Variants in GLT1D1 observed in about 807,000 individuals in gnomAD.
GLT1D1 encodes the protein glycosyltransferase 1 domain containing 1.
Under a neutral mutation model 28.7 loss-of-function variants are expected in GLT1D1, and 21 were observed. The ratio of observed to expected loss-of-function variants is 0.73; its 90% CI spans 0.52 to 1.05. The LOEUF (loss-of-function observed/expected upper bound fraction) is 1.05, where lower values mean the gene tolerates loss of function less well. Among genes scored for constraint, GLT1D1 ranks in the 50% least tolerant of loss-of-function variants. The pLI, the probability that GLT1D1 is intolerant of heterozygous loss-of-function variation, is 0.00. For missense variants in GLT1D1, 343 were observed against 330.6 expected, an observed-to-expected ratio of 1.04 and a Z score of -0.29; for synonymous variants, 147 against 124.8, an observed-to-expected ratio of 1.18 and a Z score of -1.19.
At chr12:128,859,770 G>T (rs1956311340) in intron 1 of GLT1D1, among the ~76,000 whole-genome samples, 1 of 152,198 alleles carries the variant, frequency 6.6e-6, no homozygotes, top group South Asian at 2.1e-4. Flanking sequence ...AAATGAACAG[G>T]ACTTGGCAGT....
intron 7 of GLT1D1, among the ~76,000 whole-genome samples, chr12:128,978,641 G>T (rs1880023527): frequency 6.6e-6 from 1 of 152,170 alleles, no homozygotes; most frequent in African/African-American, 2.4e-5. Flanking sequence ...CCCCAAGAGA[G>T]GGTTCTTGGA....
At chr12:128,926,220 TAATAATA>T in intron 4 of GLT1D1, 132 bp from the exon 7 acceptor site, 1 of 205,744 alleles carries the variant, frequency 4.9e-6, no homozygotes, top group Admixed American at 6.0e-5. Flanking sequence ...ATAATAATAA[TAATAATA>T]ATAATAATAA....
intron 6 of GLT1D1, among the ~76,000 whole-genome samples, chr12:128,953,076 C>G (rs1313514715): frequency 6.6e-6 from 1 of 152,116 alleles, no homozygotes; most frequent in African/African-American, 2.4e-5. Context: ...GCCACCACGC[C>G]TGGCCCATGT....
intron 4 of GLT1D1, among the ~76,000 whole-genome samples, chr12:128,908,402 C>T (rs943309399): frequency 1.3e-4 from 19 of 145,716 alleles, no homozygotes; most frequent in East Asian, 2.0e-4. Context: ...CTCTCTCTCT[C>T]TCTTTCTTTC....
chr12:128,927,999 C>CAAAAAAAAAAAAA (rs938188484), intron 4 of GLT1D1, among the ~76,000 whole-genome samples: 17 of 42,264 alleles, frequency 4.0e-4, no homozygotes, highest in Non-Finnish European at 5.2e-4. Context: ...GACTCTGTCT[C>CAAAAAAAAAAAAA]AAAAAAAAAA....
chr12:128,911,537 T>G (rs1478419361), intron 4 of GLT1D1, among the ~76,000 whole-genome samples: 3 of 152,172 alleles, frequency 2.0e-5, no homozygotes, highest in Non-Finnish European at 4.4e-5. Context: ...TGATCAGGCT[T>G]AGGTCACATG....
At chr12:128,875,120 A>AT (rs1304857194) in intron 1 of GLT1D1, among the ~76,000 whole-genome samples, 4 of 150,636 alleles carry the variant, frequency 2.7e-5, no homozygotes, top group East Asian at 1.9e-4. Context: ...ACCAGGAAGT[A>AT]TTTTTTTTGA....
chr12:128,878,193 T>C (rs1348466228), intron 2 of GLT1D1, among the ~76,000 whole-genome samples: 1 of 152,144 alleles, frequency 6.6e-6, no homozygotes, highest in Non-Finnish European at 1.5e-5. Flanking sequence ...CCCATGCATG[T>C]ATTTATATGT....
At chr12:128,927,029 A>C in intron 4 of GLT1D1, 76 bp from the exon 8 acceptor site, 1 of 909,594 alleles carries the variant, frequency 1.1e-6, no homozygotes, top group Non-Finnish European at 1.7e-6. Flanking sequence ...AGAAATTTAT[A>C]TTGAAGTTAG....
rs841914 is a variant in GLT1D1, at chr12:128,939,847, A to T, written c.376-5479A>T. 1.2e-4 allele frequency among the ~76,000 whole-genome samples: 14 copies of T among 117,544 alleles called. 3 individuals are homozygous for T. Among genetic ancestry groups the T allele is most frequent in the South Asian group, 2.8e-4 (1 of 3,586 alleles). The allele number at this position is 117,544 out of a possible 152,430, so 77.1% of individuals were successfully genotyped here. Reference sequence around the variant, plus strand: ...GCCAAATTGTTAGAAACCCCCCCCCACCGCCGATCCAATCACCTCCTACCA... The same window carrying T: ...GCCAAATTGTTAGAAACCCCCCCCCTCCGCCGATCCAATCACCTCCTACCA... On this transcript the variant is annotated intron_variant, in intron 4 of 7. Transcript: ENST00000281703.
chr12:128,899,602 T>A (rs1399497387), intron 4 of GLT1D1, among the ~76,000 whole-genome samples: 7 of 145,922 alleles, frequency 4.8e-5, no homozygotes, highest in Admixed American at 2.1e-4. Context: ...TAGGCTGGAG[T>A]GCAATGGCGT....
At position 128,973,906 on chromosome 12, in the gene GLT1D1, GGTGTGTGTAGGGGGTGT is replaced by G. The variant is rs1879488906; in HGVS notation, c.640-9014_640-8998del. 2.5e-5 allele frequency among the ~76,000 whole-genome samples: 3 copies of G among 119,524 alleles called. No individual in the cohort carries two copies. The South Asian group carries it at 8.5e-4, about 34-fold the overall frequency. 78.4% of individuals were successfully genotyped at this position (119,524 alleles called of 152,430 possible). A position where few individuals can be genotyped will look rare whatever the true frequency, so the allele number is the denominator to read the frequency against. ...GTGTGTAGGGGGTGTGTGTGTAGGG[GGTGTGTGTAGGGGGTGT>G]GTGTGTGTGTGTAGGGTGTGTGTGT... On this transcript the variant is annotated intron_variant, in intron 7 of 7. Coordinates refer to ENST00000281703, the MANE Select transcript of GLT1D1 (RefSeq NM_144669.3).
chr12:128,883,312 C>T (rs1013548940), intron 2 of GLT1D1, among the ~76,000 whole-genome samples: 1 of 151,130 alleles, frequency 6.6e-6, no homozygotes, highest in Non-Finnish European at 1.5e-5. Flanking sequence ...AAGTTTAGGG[C>T]CGGGCGTAGT....
intron 4 of GLT1D1, among the ~76,000 whole-genome samples, chr12:128,934,295 C>T (rs1372607507): frequency 3.3e-5 from 5 of 151,304 alleles, no homozygotes; most frequent in Non-Finnish European, 7.4e-5. Context: ...CCTCCACCCC[C>T]TGGGTTCAAA....
At chr12:128,870,079 T>G in intron 1 of GLT1D1, among the ~76,000 whole-genome samples, 1 of 152,006 alleles carries the variant, frequency 6.6e-6, no homozygotes, top group Non-Finnish European at 1.5e-5. Flanking sequence ...CCCAGCTACT[T>G]TTTGTATTTT....
chr12:128,917,192 A>G (rs945152251), intron 4 of GLT1D1, among the ~76,000 whole-genome samples: 1 of 152,188 alleles, frequency 6.6e-6, no homozygotes, highest in East Asian at 1.9e-4. Context: ...CTTTATTCCA[A>G]TATCATGCTG....
chr12:128,919,735 GT>G (rs1872460750), intron 4 of GLT1D1, among the ~76,000 whole-genome samples: 1 of 152,162 alleles, frequency 6.6e-6, no homozygotes, highest in Non-Finnish European at 1.5e-5. Context: ...TGGTCTTTGA[GT>G]TTTTCTGTGC....
chr12:128,913,312 T>C (rs1378696845), intron 4 of GLT1D1, among the ~76,000 whole-genome samples: 1 of 152,156 alleles, frequency 6.6e-6, no homozygotes, highest in African/African-American at 2.4e-5. Context: ...CTCCGCCTCC[T>C]GGGTTCAAGC....
intron 1 of GLT1D1, among the ~76,000 whole-genome samples, chr12:128,873,892 G>A (rs1187887788): frequency 3.5e-4 from 31 of 88,446 alleles, no homozygotes; most frequent in Admixed American, 8.4e-4. Context: ...CCTCTCTCTT[G>A]CTCCCTTTCT....
Sources: allele counts gnomAD v4.1 joint callset (sites outside exome capture counted in the v4.1 genomes callset), GRCh38; gene constraint gnomAD v4.1.1; transcripts MANE v1.5; gene names NCBI Gene and HGNC (gene_info 2026-07-23, HGNC 2026-07-21).